Variants in ADAMTS18 observed in about 807,000 individuals in gnomAD.
ADAMTS18 encodes the protein A disintegrin and metalloproteinase with thrombospondin motifs 18.
Under a neutral mutation model 165.9 loss-of-function variants are expected in ADAMTS18, and 157 were observed. The ratio of observed to expected loss-of-function variants is 0.95; its 90% CI spans 0.83 to 1.08. ADAMTS18 has a LOEUF of 1.08. Among genes scored for constraint, ADAMTS18 ranks in the 50% least tolerant of loss-of-function variants. ADAMTS18 has a pLI of 0.00. For synonymous variants in ADAMTS18, 782 were observed against 578.2 expected (o/e 1.35, Z -5.06); for missense variants, 2,040 against 1,534.0 (o/e 1.33, Z -5.51).
intron 15 of ADAMTS18, among the ~76,000 whole-genome samples, chr16:77,320,441 C>A (rs1228291388): frequency 1.3e-5 from 2 of 152,110 alleles, no homozygotes; most frequent in Non-Finnish European, 2.9e-5. Context: ...GAGTTTGAGA[C>A]CAGCCTGGCC....
At chr16:77,319,494 G>C (rs1193489136) in intron 16 of ADAMTS18, among the ~76,000 whole-genome samples, 1 of 152,190 alleles carries the variant, frequency 6.6e-6, no homozygotes, top group Non-Finnish European at 1.5e-5. Context: ...CCAGGCTGGA[G>C]TGCAGTGGCA....
chr16:77,322,432 C>G lies in ADAMTS18; in HGVS notation c.2067G>C (p.Glu689Asp). The G allele has an allele frequency of 6.2e-7, 1 of 1,614,024 alleles. No homozygotes were observed. The highest frequency in any genetic ancestry group is 1.3e-5 in the African/African-American group (1 of 75,018). ...ACATTGCAAAAAAAAATTCAAAGTT[C>G]TCAGCCTTGCAGTACAGTTTGCATC... ...EDRCKLYCKA[E>D]NFEFFFAMSG... Residue 689 changes from glutamate to aspartate, a missense_variant, in exon 14 of 23, where the codon GAG becomes GAC. Coordinates refer to ENST00000282849, the MANE Select transcript of ADAMTS18 (RefSeq NM_199355.4).
intron 8 of ADAMTS18, among the ~76,000 whole-genome samples, chr16:77,358,149 A>T (rs569069100): frequency 1.3e-5 from 2 of 152,290 alleles, no homozygotes; most frequent in South Asian, 2.1e-4. Flanking sequence ...TGGCTTATTC[A>T]TATCTAGGAA....
At position 77,289,354 on chromosome 16, in the gene ADAMTS18, C is replaced by T. The variant is rs1420603863; in HGVS notation, c.3460G>A (p.Gly1154Ser). Reference sequence around the variant, plus strand: ...AGCAGACAACTTGAGGAAGGCCGGCCTTGCTGAACACAGTGGACTGACCGG... The same window carrying T: ...AGCAGACAACTTGAGGAAGGCCGGCTTTGCTGAACACAGTGGACTGACCGG... ...QTRSVHCVQQ[G>S]RPSSSCLLHQ... The change falls in exon 22 of 23, where the codon GGC becomes AGC. Residue 1154 changes from glycine to serine, a missense_variant. Physicochemically the swap from Gly to Ser is moderately conservative, Grantham distance 56 (BLOSUM62 0). Coordinates refer to ENST00000282849, the MANE Select transcript of ADAMTS18 (RefSeq NM_199355.4). 1 of 1,614,140 alleles carries T rather than the reference C, an allele frequency of 6.2e-7. No homozygotes were observed. Among genetic ancestry groups the T allele is most frequent in the Non-Finnish European group, 8.5e-7 (1 of 1,180,010 alleles).
intron 7 of ADAMTS18, among the ~76,000 whole-genome samples, chr16:77,360,716 A>G (rs995367292): frequency 1.3e-5 from 2 of 152,206 alleles, no homozygotes; most frequent in African/African-American, 4.8e-5. Context: ...GAAGACTGTG[A>G]TTAATGGTTA....
At chr16:77,300,477 C>T in intron 16 of ADAMTS18, 73 bp from the exon 17 acceptor site, 2 of 1,517,802 alleles carry the variant, frequency 1.3e-6, no homozygotes, top group African/African-American at 2.7e-5. Flanking sequence ...TCTTACTGAA[C>T]ATTTTAAAGA....
Position 77,335,782 on chromosome 16 carries a change from G to A in ADAMTS18, c.1833C>T (p.Phe611=). The A allele has an allele frequency of 6.2e-7, 1 of 1,614,194 alleles. No homozygotes were observed. The highest frequency in any genetic ancestry group is 1.3e-5 in the African/African-American group (1 of 75,046). ...CSRTCGGGVK[F]QERHCNNPKP... is the part of the protein sequence containing the mutation. ...TGGGGTTATTGCAGTGTCTCTCCTG[G>A]AACTTGACTCCTCCACCACATGTCC... Residue 611 remains phenylalanine, a synonymous_variant, in exon 12 of 23, where the codon TTC becomes TTT. Transcript: ENST00000282849.
intron 19 of ADAMTS18, 89 bp from the exon 20 acceptor site, chr16:77,293,347 G>A (rs2055405281): frequency 3.4e-6 from 4 of 1,164,932 alleles, no homozygotes; most frequent in Non-Finnish European, 5.1e-6. Flanking sequence ...ATATATTCCT[G>A]TGAAAGGTGG....
chr16:77,320,035 C>T lies in ADAMTS18; in HGVS notation c.2346G>A (p.Leu782=), dbSNP rs895974029. 2.5e-6 allele frequency: 4 copies of T among 1,614,098 alleles called. No individual in the cohort carries two copies. In the Admixed American group the frequency reaches 5.0e-5, roughly 20 times the overall value. ...CTGCGAGGTAACTGGAGGAAACCTGCAGCTCCTGGATTTCGATGCTTCGGG... is the reference window on the plus strand; with the variant it reads ...CTGCGAGGTAACTGGAGGAAACCTGTAGCTCCTGGATTTCGATGCTTCGGG... The part of the protein sequence containing the change: ...AGARSIEIQE[L]QVSSSYLAVR... The change falls in exon 16 of 23, where the codon CTG becomes CTA. Residue 782 remains leucine (L), a synonymous_variant. Transcript: ENST00000282849.
At chr16:77,310,626 T>C (rs921751739) in intron 16 of ADAMTS18, among the ~76,000 whole-genome samples, 3 of 144,046 alleles carry the variant, frequency 2.1e-5, no homozygotes, top group African/African-American at 7.8e-5. Flanking sequence ...ATTTATGTCT[T>C]AACCTTTTTT....
At chr16:77,350,953 G>T (rs982675222) in intron 10 of ADAMTS18, among the ~76,000 whole-genome samples, 1 of 152,088 alleles carries the variant, frequency 6.6e-6, no homozygotes, top group Non-Finnish European at 1.5e-5. Flanking sequence ...AGTAAAGTGA[G>T]GGGAAAAGAT....
intron 2 of ADAMTS18, among the ~76,000 whole-genome samples, chr16:77,432,124 G>A (rs111306474): frequency 6.6e-6 from 1 of 152,254 alleles, no homozygotes; most frequent in Non-Finnish European, 1.5e-5. Context: ...ACAGTGTGGG[G>A]TAGCCTCAGA....
chr16:77,328,038 A>T (rs2056125222), intron 12 of ADAMTS18, among the ~76,000 whole-genome samples: 1 of 152,176 alleles, frequency 6.6e-6, no homozygotes, highest in Admixed American at 6.5e-5. Context: ...TCAGCTTTGC[A>T]GGTGGCCTAC....
intron 3 of ADAMTS18, among the ~76,000 whole-genome samples, chr16:77,408,677 G>A (rs2057422638): frequency 1.3e-5 from 2 of 152,288 alleles, no homozygotes; most frequent in African/African-American, 2.4e-5. Context: ...CAGAAGTCAT[G>A]GTAGCAATTA....
chr16:77,297,466 A>G (rs1027979969), intron 17 of ADAMTS18, 51 bp from the exon 18 acceptor site: 2 of 1,556,676 alleles, frequency 1.3e-6, no homozygotes, highest in South Asian at 1.1e-5. Flanking sequence ...TATTATTTCA[A>G]TTTGGTTCTA....
chr16:77,346,486 T>C (rs1051663240), intron 10 of ADAMTS18, among the ~76,000 whole-genome samples: 2 of 152,098 alleles, frequency 1.3e-5, no homozygotes, highest in Non-Finnish European at 2.9e-5. Context: ...AATAATAACA[T>C]GAAAGAACCT....
chr16:77,386,016 C>T (rs2057102488), intron 3 of ADAMTS18, among the ~76,000 whole-genome samples: 1 of 152,184 alleles, frequency 6.6e-6, no homozygotes, highest in Non-Finnish European at 1.5e-5. Flanking sequence ...TTCTGGCTAG[C>T]ATTTAGTTTT....
intron 3 of ADAMTS18, among the ~76,000 whole-genome samples, chr16:77,371,051 C>T (rs939397388): frequency 6.6e-6 from 1 of 151,968 alleles, no homozygotes; most frequent in African/African-American, 2.4e-5. Flanking sequence ...CCTGTCTCTA[C>T]AAAAACTACA....
At chr16:77,415,449 G>T (rs190797683) in intron 3 of ADAMTS18, among the ~76,000 whole-genome samples, 15 of 152,230 alleles carry the variant, frequency 9.9e-5, no homozygotes, top group African/African-American at 3.1e-4. Context: ...ACTCTCAGGG[G>T]GCAAGATGGT....
Sources: allele counts gnomAD v4.1 joint callset (sites outside exome capture counted in the v4.1 genomes callset), GRCh38; gene constraint gnomAD v4.1.1; transcripts MANE v1.5; gene names NCBI Gene and HGNC (gene_info 2026-07-23, HGNC 2026-07-21).